Variants in IL34 observed in about 807,000 individuals in gnomAD.
IL34 encodes the protein interleukin 34, also known as interleukin-34.
Under a neutral mutation model 25.3 loss-of-function variants are expected in IL34, and 17 were observed. The ratio of observed to expected loss-of-function variants is 0.67; its 90% confidence interval spans 0.46 to 1.01. IL34 has a LOEUF of 1.01. Ranked by LOEUF, IL34 falls within the 50% of genes least tolerant of loss-of-function variation. The pLI, the probability that IL34 is intolerant of heterozygous loss-of-function variation, is 0.00. For missense variants in IL34, 368 were observed against 312.9 expected, an observed-to-expected ratio of 1.18 and a Z score of -1.33; for synonymous variants, 174 against 140.9, an observed-to-expected ratio of 1.23 and a Z score of -1.66.
At chr16:70,656,877 C>A in intron 3 of IL34, 83 bp from the exon 4 acceptor site, 1 of 1,462,950 alleles carries the variant, frequency 6.8e-7, no homozygotes, top group Non-Finnish European at 9.4e-7. Context: ...GCTCCCTATG[C>A]AGGGGCAAGT....
chr16:70,619,866 TAGG>T (rs1282765494), intron 1 of IL34, among the ~76,000 whole-genome samples: 3 of 152,292 alleles, frequency 2.0e-5, no homozygotes, highest in East Asian at 1.9e-4. Context: ...GGACGCGGCT[TAGG>T]AGGAATCCCG....
At chr16:70,636,040 T>A (rs1324560987) in intron 1 of IL34, among the ~76,000 whole-genome samples, 2 of 151,810 alleles carry the variant, frequency 1.3e-5, no homozygotes, top group African/African-American at 4.8e-5. Context: ...TTTTTTTTTT[T>A]TTTTTAATTT....
chr16:70,600,148 C>T (rs1371331490), intron 1 of IL34, among the ~76,000 whole-genome samples: 1 of 152,014 alleles, frequency 6.6e-6, no homozygotes, highest in East Asian at 1.9e-4. Context: ...TCACTTTATC[C>T]CCACTTCTCT....
At chr16:70,607,340 G>A (rs754215167) in intron 1 of IL34, among the ~76,000 whole-genome samples, 19 of 152,116 alleles carry the variant, frequency 1.2e-4, no homozygotes, top group Non-Finnish European at 2.4e-4. Flanking sequence ...TCCTGACCTC[G>A]TGATCCGCCC....
intron 1 of IL34, among the ~76,000 whole-genome samples, chr16:70,593,130 T>C (rs1266018697): frequency 6.6e-6 from 1 of 152,144 alleles, no homozygotes; most frequent in African/African-American, 2.4e-5. Context: ...CCTGGCCCTA[T>C]TGTCCATTTT....
chr16:70,596,250 C>T (rs1256701856), intron 1 of IL34, among the ~76,000 whole-genome samples: 1 of 152,170 alleles, frequency 6.6e-6, no homozygotes, highest in Non-Finnish European at 1.5e-5. Flanking sequence ...ATCACGACCT[C>T]ATCATCTTCC....
chr16:70,616,048 C>T (rs1271447996), intron 1 of IL34, among the ~76,000 whole-genome samples: 1 of 152,154 alleles, frequency 6.6e-6, no homozygotes, highest in Admixed American at 6.5e-5. Flanking sequence ...ACATAGAAAA[C>T]ACACCATTCA....
intron 4 of IL34, among the ~76,000 whole-genome samples, chr16:70,659,078 T>C (rs975300887): frequency 1.3e-5 from 2 of 152,162 alleles, no homozygotes; most frequent in Admixed American, 1.3e-4. Context: ...ACAGTGGCCC[T>C]GACCTCCTGT....
At chr16:70,659,595 C>A in intron 4 of IL34, 23 bp from the exon 5 acceptor site, 2 of 1,593,386 alleles carry the variant, frequency 1.3e-6, no homozygotes, top group Non-Finnish European at 8.6e-7. Context: ...CGCCACCGCT[C>A]CTGACTGTTT....
chr16:70,657,034 G>C lies in IL34; in HGVS notation c.315G>C (p.Val105=), dbSNP rs770433129. The change falls in exon 4 of 6, where the codon GTG becomes GTC. Residue 105 remains valine, a synonymous_variant. Transcript: ENST00000288098. ...TGAGCCTCAGTGCCACTGAGTCGGT[G>C]CAGGACGTGCTGCTCGAGGGCCACC... ...VLVSLSATES[V]QDVLLEGHPS... is the part of the protein sequence containing the mutation. 6.2e-7 allele frequency: 1 copy of C among 1,612,760 alleles called. No homozygotes were observed. The highest frequency in any genetic ancestry group is 1.3e-5 in the African/African-American group (1 of 74,984).
intron 1 of IL34, among the ~76,000 whole-genome samples, chr16:70,640,624 A>G (rs1005845740): frequency 3.5e-4 from 36 of 102,886 alleles, no homozygotes; most frequent in Admixed American, 2.3e-3. Flanking sequence ...ACTCCGTCTC[A>G]ATAAAAAAAA....
chr16:70,598,034 C>T (rs987216260), intron 1 of IL34, among the ~76,000 whole-genome samples: 2 of 152,082 alleles, frequency 1.3e-5, no homozygotes, highest in African/African-American at 4.8e-5. Context: ...TTAGTAGAGA[C>T]GGGGTTTCGC....
At chr16:70,619,517 GT>G (rs1224087283) in intron 1 of IL34, among the ~76,000 whole-genome samples, 1 of 152,140 alleles carries the variant, frequency 6.6e-6, no homozygotes, top group Non-Finnish European at 1.5e-5. Context: ...GAGTTGGGGA[GT>G]TTTAAGAGGT....
At position 70,654,650 on chromosome 16, in the gene IL34, C is replaced by T. The variant is rs1410487374; in HGVS notation, c.141C>T (p.Tyr47=). 3.1e-6 allele frequency: 5 copies of T among 1,610,862 alleles called. No individual in the cohort carries two copies. The highest frequency in any genetic ancestry group is 1.3e-5 in the African/African-American group (1 of 74,880). Residue 47 remains tyrosine (Y), a synonymous_variant, in exon 2 of 6, where the codon TAC becomes TAT. Coordinates refer to ENST00000288098, the MANE Select transcript of IL34 (RefSeq NM_001393494.1). Reference sequence around the variant, plus strand: ...GTTTTCTGCGGGACAAGCTGCAGTACAGGAGCCGACTTCAGTACATGGTAA... The same window carrying T: ...GTTTTCTGCGGGACAAGCTGCAGTATAGGAGCCGACTTCAGTACATGGTAA... The part of the protein sequence containing the change: ...VTGFLRDKLQ[Y]RSRLQYMKHY...
chr16:70,591,862 C>T (rs1016971525), intron 1 of IL34, among the ~76,000 whole-genome samples: 2 of 152,224 alleles, frequency 1.3e-5, no homozygotes, highest in African/African-American at 4.8e-5. Flanking sequence ...AGGCTCGGTG[C>T]TGGGGCTGGG....
rs530211887 is a variant in IL34, at chr16:70,657,843, G to T, written c.402+722G>T. 4.1e-4 allele frequency among the ~76,000 whole-genome samples: 63 copies of T among 152,260 alleles called. 1 individual carries two copies. The South Asian group carries it at 0.012, about 29-fold the overall frequency. ...GTTGTATACATGACATCATGCATTT[G>T]TCACAACCCACAGAACTGTACAACA... On this transcript the variant is annotated intron_variant, in intron 4 of 5. Coordinates refer to ENST00000288098, the MANE Select transcript of IL34 (RefSeq NM_001393494.1).
At chr16:70,635,570 A>T (rs1417879267) in intron 1 of IL34, among the ~76,000 whole-genome samples, 1 of 152,164 alleles carries the variant, frequency 6.6e-6, no homozygotes, top group Non-Finnish European at 1.5e-5. Flanking sequence ...TCAGCAGAAC[A>T]TCGGCAGCTT....
chr16:70,584,663 A>G (rs536071466), intron 1 of IL34, among the ~76,000 whole-genome samples: 2 of 151,618 alleles, frequency 1.3e-5, no homozygotes, highest in East Asian at 3.9e-4. Context: ...CCCAAGAGCC[A>G]GCACTTTGCT....
intron 1 of IL34, among the ~76,000 whole-genome samples, chr16:70,606,982 C>G (rs1169028603): frequency 6.6e-6 from 1 of 152,158 alleles, no homozygotes. Context: ...TTGTTTCCAG[C>G]TTTTGGTGCT....
Sources: gnomAD v4.1 joint callset for allele counts (sites outside exome capture counted in the v4.1 genomes callset) on GRCh38, gnomAD v4.1.1 for gene constraint, MANE v1.5 for transcripts, NCBI Gene and HGNC (gene_info 2026-07-23, HGNC 2026-07-21) for gene names.